Variants in TUB observed in about 807,000 individuals in gnomAD.
TUB encodes TUB bipartite transcription factor, also known as tubby protein homolog.
TUB carries 33 observed loss-of-function variants against 59.7 expected under a neutral mutation model. The observed-to-expected ratio is 0.55, with a 90% CI of 0.42 to 0.74. TUB has a LOEUF of 0.74. Among genes scored for constraint, TUB ranks in the 30% least tolerant of loss-of-function variants. TUB has a pLI of 0.00. For missense variants in TUB, 659 were observed against 672.0 expected (o/e 0.98, Z 0.21); for synonymous variants, 293 against 256.4 (o/e 1.14, Z -1.36).
chr11:8,097,844 G>T lies in TUB; in HGVS notation c.998+18G>T, dbSNP rs1217681670. 2.5e-6 allele frequency: 4 copies of T among 1,604,384 alleles called. No homozygotes were observed. The South Asian group carries it at 3.3e-5, about 13-fold the overall frequency. ...AAACTGCGGTACTAGCATTCCCCCA[G>T]GAAGCAGGCGGGAGTGGGAGGGAGG... On this transcript the variant is annotated intron_variant, in intron 8 of 11. Transcript: ENST00000299506.
At chr11:8,025,434 C>T (rs1303966226) in intron 1 of TUB, among the ~76,000 whole-genome samples, 3 of 152,158 alleles carry the variant, frequency 2.0e-5, no homozygotes, top group Non-Finnish European at 4.4e-5. Context: ...TGTTTGGGAA[C>T]AGCATGGAAA....
chr11:8,019,293 G>A (rs1270964139), exon 1 of TUB: 1 of 1,268,998 alleles, frequency 7.9e-7, no homozygotes, highest in Non-Finnish European at 9.9e-7. Context: ...GAGCGGAGCC[G>A]GAGGCGGCGA....
chr11:8,022,523 C>G (rs1205043848), intron 1 of TUB, among the ~76,000 whole-genome samples: 1 of 152,208 alleles, frequency 6.6e-6, no homozygotes, highest in East Asian at 1.9e-4. Context: ...GTCCGCCTTG[C>G]TTCTGGGCCA....
At chr11:8,056,887 T>C (rs1209228371) in intron 2 of TUB, among the ~76,000 whole-genome samples, 2 of 152,084 alleles carry the variant, frequency 1.3e-5, no homozygotes, top group African/African-American at 4.8e-5. Flanking sequence ...AACTACAGTA[T>C]GTAGGCCAAG....
At chr11:8,065,103 G>T (rs567201827) in intron 2 of TUB, among the ~76,000 whole-genome samples, 10 of 152,204 alleles carry the variant, frequency 6.6e-5, no homozygotes, top group African/African-American at 2.4e-4. Flanking sequence ...AGCTGGCTGG[G>T]GGATCATCAC....
At chr11:8,066,919 C>G (rs1449442936) in intron 2 of TUB, among the ~76,000 whole-genome samples, 1 of 152,146 alleles carries the variant, frequency 6.6e-6, no homozygotes, top group Non-Finnish European at 1.5e-5. Context: ...CTCTGGATAA[C>G]CTTTGCAGCC....
At chr11:8,059,032 A>G (rs1943072497) in intron 2 of TUB, among the ~76,000 whole-genome samples, 1 of 152,160 alleles carries the variant, frequency 6.6e-6, no homozygotes, top group Non-Finnish European at 1.5e-5. Context: ...TCCATTACAC[A>G]TAGTCCCAAC....
upstream of TUB, chr11:8,077,542 T>A (rs1267086384): frequency 6.6e-6 from 1 of 152,252 alleles, no homozygotes; most frequent in African/African-American, 2.4e-5. Context: ...CCCGGTCAAT[T>A]GTAGAATCTC....
intron 2 of TUB, among the ~76,000 whole-genome samples, chr11:8,052,377 T>C (rs1350597804): frequency 6.6e-6 from 1 of 152,136 alleles, no homozygotes; most frequent in African/African-American, 2.4e-5. Context: ...ATTAATAGAA[T>C]TGTAGTTTGT....
rs1942819379 is a variant in TUB, at chr11:8,045,636, C to G, written c.203+5944C>G. ...AGCATTTCAGATTAGGGATGCTGAA[C>G]CAGTAAGTATAATACAAATATTCCA... is the stretch of plus-strand genomic sequence containing the variant. On this transcript the variant is annotated intron_variant, in intron 2 of 12. Transcript: ENST00000305253. Among the ~76,000 whole-genome samples the G allele has an allele frequency of 2.0e-5, 3 of 152,148 alleles. No homozygotes were observed. The South Asian group carries it at 6.2e-4, about 32-fold the overall frequency.
Position 8,090,182 on chromosome 11 carries a change from C to T in TUB, c.204C>T (p.Ala68=), listed in dbSNP as rs779223226. 54 of 1,613,644 alleles carry T rather than the reference C, an allele frequency of 3.3e-5. No individual in the cohort carries two copies. Among genetic ancestry groups the T allele is most frequent in the Middle Eastern group, 1.6e-4 (1 of 6,084 alleles). Residue 68 remains alanine (A), a synonymous_variant, in exon 3 of 12, where the codon GCC becomes GCT. Transcript: ENST00000299506. ...GGGCCCGGCAGTCAGAGGAACAAGC[C>T]CCCCTGGTGGAGTCCTACCTCAGCA... is the stretch of plus-strand genomic sequence containing the variant. The part of the protein sequence containing the change: ...SRRARQSEEQ[A]PLVESYLSSS...
chr11:8,089,227 G>A (rs964221967), intron 1 of TUB, among the ~76,000 whole-genome samples: 2 of 152,176 alleles, frequency 1.3e-5, no homozygotes, highest in African/African-American at 4.8e-5. Context: ...GAGCTGGAGG[G>A]AGCAGCCCCC....
chr11:8,088,228 C>T (rs891796460), intron 1 of TUB, among the ~76,000 whole-genome samples: 64 of 152,194 alleles, frequency 4.2e-4, no homozygotes, highest in African/African-American at 1.4e-3. Context: ...GCATAGTCCT[C>T]ATAGATCGTG....
intron 2 of TUB, among the ~76,000 whole-genome samples, chr11:8,051,591 A>G (rs1589934084): frequency 1.3e-5 from 2 of 152,194 alleles, no homozygotes; most frequent in Non-Finnish European, 2.9e-5. Flanking sequence ...AAGGCTATCA[A>G]TCCACTCTCT....
chr11:8,051,170 A>G (rs550623087), intron 2 of TUB, among the ~76,000 whole-genome samples: 2 of 152,340 alleles, frequency 1.3e-5, no homozygotes, highest in African/African-American at 4.8e-5. Flanking sequence ...GCTACTTTGA[A>G]AATGATCTCG....
chr11:8,070,990 C>T (rs1943350572), intron 2 of TUB, among the ~76,000 whole-genome samples: 1 of 152,150 alleles, frequency 6.6e-6, no homozygotes, highest in African/African-American at 2.4e-5. Context: ...CATTATGTAA[C>T]CACAGCTAAC....
upstream of TUB, among the ~76,000 whole-genome samples, chr11:8,036,749 C>T (rs1942652706): frequency 6.6e-6 from 1 of 152,200 alleles, no homozygotes; most frequent in African/African-American, 2.4e-5. Context: ...GTTTATCCAG[C>T]CCTGAGGTTC....
intron 6 of TUB, 108 bp downstream of exon 6, chr11:8,096,914 C>A: frequency 7.5e-7 from 1 of 1,339,902 alleles, no homozygotes; most frequent in Non-Finnish European, 1.1e-6. Flanking sequence ...AGCTTCTCTG[C>A]TGGCCTCTTA....
At chr11:8,083,490 A>G (rs560727995) in intron 1 of TUB, among the ~76,000 whole-genome samples, 211 of 152,310 alleles carry the variant, frequency 1.4e-3, no homozygotes, top group African/African-American at 4.8e-3. Flanking sequence ...AAGGTGGCCC[A>G]GGAAGGTAGA....
Sources: gnomAD v4.1 joint callset for allele counts (sites outside exome capture counted in the v4.1 genomes callset) on GRCh38, gnomAD v4.1.1 for gene constraint, MANE v1.5 for transcripts, NCBI Gene and HGNC (gene_info 2026-07-23, HGNC 2026-07-21) for gene names.